LTBP2: variants seen among roughly 807,000 people sequenced by gnomAD.
LTBP2 encodes latent-transforming growth factor beta-binding protein 2.
A neutral mutation model predicts 210.6 loss-of-function variants in LTBP2; 103 were observed. The observed-to-expected ratio is 0.49, with a 90% confidence interval of 0.42 to 0.58. The LOEUF (loss-of-function observed/expected upper bound fraction) is 0.58. LTBP2 is among the 20% of genes least tolerant of loss of function. The pLI is 0.00. For synonymous variants in LTBP2, 1,007 were observed against 1,015.0 expected (o/e 0.99, Z 0.15); for missense variants, 2,313 against 2,494.5 (o/e 0.93, Z 1.55).
rs1263652577 is a variant in LTBP2 at position 74,586,810 on chromosome 14, C to T, written c.566-692G>A. Among the ~76,000 whole-genome samples, 3 of 152,184 alleles carry T rather than the reference C, an allele frequency of 2.0e-5. No individual in the cohort carries two copies. The highest frequency in any genetic ancestry group is 2.1e-4 in the South Asian group (1 of 4,830). On this transcript the variant is annotated intron_variant, in intron 2 of 35. Transcript: ENST00000261978. The surrounding 1 kb of genome is among the most constrained non-coding windows in gnomAD (Gnocchi z 4.6). ...CTTAGCAAGGCAGAACTCTCGACTG[C>T]GGCCAGAGAAAGCACGGTGGCCAGA...
chr14:74,611,676 G>A lies in LTBP2; in HGVS notation c.269C>T (p.Pro90Leu), dbSNP rs574843979. Reference protein sequence around the residue: ...AGLQPVERAQPGWGSPRRPTE... With the variant: ...AGLQPVERAQLGWGSPRRPTE... Reference sequence around the variant, plus strand: ...GGGCCTCCTGGGGCTCCCCCAGCCCGGCTGGGCCCGCTCCACGGGCTGCAA... The same window carrying A: ...GGGCCTCCTGGGGCTCCCCCAGCCCAGCTGGGCCCGCTCCACGGGCTGCAA... The change falls in exon 1 of 36, where the codon CCG becomes CTG. Residue 90 changes from proline to leucine, a missense_variant. Pro to Leu is a moderately conservative substitution (Grantham distance 98, BLOSUM62 -3). Transcript: ENST00000261978. 5.1e-6 allele frequency: 8 copies of A among 1,567,598 alleles called. No individual in the cohort carries two copies. The East Asian group carries it at 1.9e-4, about 36-fold the overall frequency.
rs1328734556 is a variant in LTBP2, at chr14:74,499,626, C to T, written c.*1258G>A. On this transcript the variant is annotated 3_prime_UTR_variant, in exon 36 of 36. Transcript: ENST00000261978. ...GTCTTTTAATAGTAAAGAGTCATTT[C>T]CCATTGGAACCCATCATAGGCTATC... is the stretch of plus-strand genomic sequence containing the variant. 3 of 227,216 alleles carry T rather than the reference C, an allele frequency of 1.3e-5. No individual in the cohort carries two copies. Among genetic ancestry groups the T allele is most frequent in the Non-Finnish European group, 2.6e-5 (3 of 114,388 alleles). 14.1% of individuals were successfully genotyped at this position (227,216 alleles called of 1,614,324 possible).
intron 3 of LTBP2, among the ~76,000 whole-genome samples, chr14:74,572,505 C>G (rs1453722201): frequency 1.3e-5 from 2 of 150,872 alleles, no homozygotes; most frequent in Non-Finnish European, 2.9e-5. Context: ...ACCTGGGAAG[C>G]TCACAGTGCC....
chr14:74,566,672 T>C (rs2087906862), intron 3 of LTBP2, among the ~76,000 whole-genome samples: 1 of 152,216 alleles, frequency 6.6e-6, no homozygotes, highest in African/African-American at 2.4e-5. Context: ...TGTACCTTCT[T>C]GTTGCCTGGC....
At chr14:74,589,476 C>T (rs1395549154) in intron 2 of LTBP2, among the ~76,000 whole-genome samples, 1 of 152,228 alleles carries the variant, frequency 6.6e-6, no homozygotes, top group Admixed American at 6.5e-5. Context: ...ACAAGTTGGG[C>T]TCTGAGGCCA....
rs573923302 is a variant in LTBP2 at position 74,601,034 on chromosome 14, AC to A, written c.565+2600del. On this transcript the variant is annotated intron_variant, in intron 2 of 35. Transcript: ENST00000261978. ...CCCCAACTCTGCTCAGTGATTTTTG[AC>A]CACACCTAGAATCACCTGGGATGCT... 2.6e-3 allele frequency among the ~76,000 whole-genome samples: 391 copies of A among 152,232 alleles called. 3 individuals are homozygous for A. Among genetic ancestry groups the A allele is most frequent in the African/African-American group, 8.7e-3 (361 of 41,544 alleles).
At chr14:74,564,093 ATATATTTATATATATATT>A in intron 3 of LTBP2, among the ~76,000 whole-genome samples, 5 of 48,054 alleles carry the variant, frequency 1.0e-4, no homozygotes, top group African/African-American at 4.2e-4. Flanking sequence ...ATATTTATAT[ATATATTTATATATATATT>A]TATATATATA....
chr14:74,533,881 T>G (rs1285914846), intron 9 of LTBP2, among the ~76,000 whole-genome samples: 2 of 152,202 alleles, frequency 1.3e-5, no homozygotes, highest in Non-Finnish European at 2.9e-5. Flanking sequence ...ATGGTGGTGA[T>G]GGCAGCAGAG....
At position 74,552,913 on chromosome 14, in the gene LTBP2, G is replaced by C; in HGVS notation, c.1171C>G (p.Pro391Ala). 6.2e-7 allele frequency: 1 copy of C among 1,613,490 alleles called. No individual in the cohort carries two copies. Among genetic ancestry groups the C allele is most frequent in the Non-Finnish European group, 8.5e-7 (1 of 1,179,776 alleles). ...TCACAGATGCGGAAGCCAGACTTGG[G>C]ATCGTGCCCATGGCCGCCCTGGCTG... is the stretch of plus-strand genomic sequence containing the variant. ...LYSQGGHGHD[P>A]KSGFRIYFCQ... The change falls in exon 5 of 36, where the codon CCC becomes GCC. Residue 391 changes from proline to alanine, a missense_variant. Physicochemically the swap from Pro to Ala is conservative, Grantham distance 27. Around this residue, in one of 3 missense-constraint regions of LTBP2, gnomAD observed 1,867 missense variants for 1,976.9 expected, o/e 0.94. Transcript: ENST00000261978.
rs1180021575 is a variant in LTBP2 at position 74,504,880 on chromosome 14, C to T, written c.4370-19G>A. On this transcript the variant is annotated intron_variant, in intron 29 of 35. Transcript: ENST00000261978. ...AATTCAGCTATGTAGAGAGGCGTTT[C>T]AGCTCAGAGTGGGGAGGGCCCTGCC... The T allele has an allele frequency of 8.7e-6, 14 of 1,614,028 alleles. No individual in the cohort carries two copies. The highest frequency in any genetic ancestry group is 5.0e-5 in the Admixed American group (3 of 60,030).
chr14:74,594,421 C>T (rs1258597967), intron 2 of LTBP2, among the ~76,000 whole-genome samples: 1 of 152,166 alleles, frequency 6.6e-6, no homozygotes, highest in African/African-American at 2.4e-5. Flanking sequence ...CCCAGCCCCC[C>T]ATTCCTGAAG....
In LTBP2 at chr14:74,511,336, G is replaced by T; in HGVS notation, c.2937C>A (p.Thr979=). Residue 979 remains threonine, a synonymous_variant, in exon 19 of 36, where the codon ACC becomes ACA. Coordinates refer to ENST00000261978, the MANE Select transcript of LTBP2 (RefSeq NM_000428.3). ...QDINECRHPG[T]CPDGRCVNSP... is the part of the protein sequence containing the mutation. ...AATTGACGCATCTCCCATCAGGGCA[G>T]GTACCGGGGTGACGGCATTCGTTGA... The T allele has an allele frequency of 6.2e-7, 1 of 1,614,112 alleles. No homozygotes were observed. Among genetic ancestry groups the T allele is most frequent in the South Asian group, 1.1e-5 (1 of 91,082 alleles).
chr14:74,537,011 A>G (rs966777894), intron 8 of LTBP2, among the ~76,000 whole-genome samples: 1 of 151,854 alleles, frequency 6.6e-6, no homozygotes, highest in African/African-American at 2.4e-5. Context: ...CATGGATTTT[A>G]TTGTTATTAC....
intron 34 of LTBP2, 29 bp from the exon 35 acceptor site, chr14:74,501,619 A>C (rs376019974): frequency 1.2e-6 from 2 of 1,613,270 alleles, no homozygotes; most frequent in South Asian, 1.1e-5. Flanking sequence ...AGAGAGGAGG[A>C]GGCTGAGGGC....
Position 74,509,758 on chromosome 14 carries a change from T to C in LTBP2, c.3253A>G (p.Asn1085Asp). 6.2e-7 allele frequency: 1 copy of C among 1,614,080 alleles called. No individual in the cohort carries two copies. The highest frequency in any genetic ancestry group is 1.1e-5 in the South Asian group (1 of 91,076). The change falls in exon 21 of 36, where the codon AAT (asparagine) becomes GAT (aspartate). Residue 1085 changes from asparagine to aspartate, a missense_variant. Asn to Asp is a conservative substitution (Grantham distance 23). Transcript: ENST00000261978. ...CCTTCACAGGCAGTGCCGTCTTCAT[T>C]CACCCAGTACCCGTTCTCACAGGCA... ...CSACENGYWVNEDGTACEDLD... is the reference protein window; with the variant it reads ...CSACENGYWVDEDGTACEDLD...
chr14:74,542,161 A>G (rs10873270), intron 8 of LTBP2, among the ~76,000 whole-genome samples: 104,129 of 151,864 alleles, frequency 0.69, 36,315 homozygotes, highest in African/African-American at 0.81. Context: ...CATGCAGGAC[A>G]GATGTGGGGA....
intron 9 of LTBP2, among the ~76,000 whole-genome samples, chr14:74,533,542 A>G (rs1030069280): frequency 1.3e-5 from 2 of 152,150 alleles, no homozygotes; most frequent in Admixed American, 1.3e-4. Context: ...CTGGTAAGGA[A>G]AAGGAGGCAG....
intron 8 of LTBP2, among the ~76,000 whole-genome samples, chr14:74,545,783 T>G (rs1052140288): frequency 6.6e-6 from 1 of 152,186 alleles, no homozygotes; most frequent in Admixed American, 6.5e-5. Context: ...CTGGGACCCT[T>G]TGATAAATCC....
chr14:74,589,389 T>C (rs1263482870), intron 2 of LTBP2, among the ~76,000 whole-genome samples: 2 of 152,134 alleles, frequency 1.3e-5, no homozygotes, highest in East Asian at 1.9e-4. Context: ...AAATTGGACA[T>C]TGTGCACCAA....
Sources: gnomAD v4.1 joint callset for allele counts (sites outside exome capture counted in the v4.1 genomes callset) on GRCh38, gnomAD v4.1.1 for gene constraint, gnomAD v4.1.1 regional missense constraint, Gnocchi (gnomAD v3.1) non-coding constraint, MANE v1.5 for transcripts, NCBI Gene and HGNC (gene_info 2026-07-23, HGNC 2026-07-21) for gene names.